CAND1: variants seen among roughly 807,000 people sequenced by gnomAD.
CAND1 encodes the protein cullin-associated NEDD8-dissociated protein 1.
CAND1 carries 7 observed loss-of-function variants against 108.5 expected under a neutral mutation model. The observed-to-expected ratio is 0.06, with a 90% CI of 0.04 to 0.12. The LOEUF (loss-of-function observed/expected upper bound fraction) is 0.12. CAND1 is among the 10% of genes least tolerant of loss of function. CAND1 has a pLI of 1.00. For missense variants in CAND1, 941 were observed against 1,448.7 expected, an observed-to-expected ratio of 0.65 and a Z score of 5.69; for synonymous variants, 534 against 512.0, an observed-to-expected ratio of 1.04 and a Z score of -0.58.
intron 2 of CAND1, among the ~76,000 whole-genome samples, chr12:67,289,493 A>T (rs2136002307): frequency 6.6e-6 from 1 of 152,144 alleles, no homozygotes; most frequent in Non-Finnish European, 1.5e-5. Context: ...GGCTCCAGTG[A>T]TCCTCACCTC....
chr12:67,299,200 G>T (rs1323004567), intron 7 of CAND1, 105 bp downstream of exon 7: 1 of 1,099,816 alleles, frequency 9.1e-7, no homozygotes, highest in East Asian at 2.7e-5. Flanking sequence ...AGTTATAATA[G>T]TGAAAAGGGA....
At position 67,316,136 on chromosome 12, in the gene CAND1, C is replaced by G. The variant is rs1183783601; in HGVS notation, c.*3306C>G. ...TTGAATCCTAATTTTCAAACCACTG[C>G]TACCCCAGATTCATACCTGTTTTTG... On this transcript the variant is annotated 3_prime_UTR_variant, in exon 15 of 15. Transcript: ENST00000545606. 1 of 152,182 alleles carries G rather than the reference C, an allele frequency of 6.6e-6. No homozygotes were observed. Among genetic ancestry groups the G allele is most frequent in the African/African-American group, 2.4e-5 (1 of 41,446 alleles). 9.4% of individuals were successfully genotyped at this position (152,182 alleles called of 1,614,324 possible). A position where few individuals can be genotyped will look rare whatever the true frequency, so the allele number is the denominator to read the frequency against.
chr12:67,294,832 A>G (rs1193371528), intron 3 of CAND1: 7 of 365,566 alleles, frequency 1.9e-5, no homozygotes, highest in Admixed American at 1.8e-4. Flanking sequence ...GAGTTGTTAA[A>G]TATTTGGTCT....
chr12:67,309,685 A>T (rs897286841), intron 11 of CAND1, among the ~76,000 whole-genome samples: 2 of 152,000 alleles, frequency 1.3e-5, no homozygotes, highest in African/African-American at 2.4e-5. Flanking sequence ...TGGATTATCA[A>T]TTGAAAATAT....
intron 1 of CAND1, among the ~76,000 whole-genome samples, chr12:67,276,032 C>T (rs2044566043): frequency 6.6e-6 from 1 of 152,172 alleles, no homozygotes; most frequent in East Asian, 1.9e-4. Flanking sequence ...TGATATCACC[C>T]TTCTCCCGTC....
At chr12:67,292,001 A>G (rs1243857395) in intron 2 of CAND1, among the ~76,000 whole-genome samples, 3 of 152,246 alleles carry the variant, frequency 2.0e-5, no homozygotes, top group Admixed American at 2.0e-4. Flanking sequence ...AGTTGGGACT[A>G]CGGGCACATA....
chr12:67,278,229 C>T (rs147826138), intron 1 of CAND1, among the ~76,000 whole-genome samples: 6 of 152,208 alleles, frequency 3.9e-5, no homozygotes, highest in African/African-American at 9.6e-5. Flanking sequence ...CTCCACTGCC[C>T]GGCTTCAAGC....
chr12:67,282,796 C>T (rs142328388), intron 2 of CAND1, among the ~76,000 whole-genome samples: 134 of 152,204 alleles, frequency 8.8e-4, no homozygotes, highest in African/African-American at 2.9e-3. Flanking sequence ...TCAGTTGATA[C>T]AATATACATA....
intron 6 of CAND1, among the ~76,000 whole-genome samples, chr12:67,298,745 T>G (rs1055950108): frequency 6.6e-5 from 10 of 152,166 alleles, no homozygotes; most frequent in African/African-American, 1.4e-4. Flanking sequence ...GGAGTTCATC[T>G]TAAAATTGAT....
chr12:67,277,380 G>T (rs758989118), intron 1 of CAND1, among the ~76,000 whole-genome samples: 3 of 152,018 alleles, frequency 2.0e-5, no homozygotes, highest in Non-Finnish European at 4.4e-5. Flanking sequence ...ATATATTGCT[G>T]ATTTATTAAC....
intron 2 of CAND1, among the ~76,000 whole-genome samples, chr12:67,286,562 A>AT (rs35747245): frequency 0.56 from 80,815 of 143,104 alleles, 23,371 homozygotes; most frequent in Non-Finnish European, 0.66. Flanking sequence ...TTTTTTGGCC[A>AT]TTTTTTTTTT....
intron 13 of CAND1, 70 bp from the exon 14 acceptor site, chr12:67,311,623 G>C (rs1282103244): frequency 4.2e-6 from 3 of 706,696 alleles, no homozygotes; most frequent in African/African-American, 1.0e-4. Context: ...TAAAGGATTT[G>C]TCAGAATTTA....
Position 67,305,754 on chromosome 12 carries a change from G to A in CAND1, c.2086G>A (p.Glu696Lys). The A allele has an allele frequency of 6.2e-7, 1 of 1,614,154 alleles. No individual in the cohort carries two copies. Among genetic ancestry groups the A allele is most frequent in the South Asian group, 1.1e-5 (1 of 91,084 alleles). The change falls in exon 10 of 15, where the codon GAG (glutamate) becomes AAG (lysine). Residue 696 changes from glutamate to lysine, a missense_variant. Coordinates refer to ENST00000545606, the MANE Select transcript of CAND1 (RefSeq NM_018448.5). This position sits in a 1 kb window ranked among gnomAD's most constrained non-coding sequence, Gnocchi z 4.4. ...TAAMIDAVLDELPPLISESDM... is the reference protein window; with the variant it reads ...TAAMIDAVLDKLPPLISESDM... Reference sequence around the variant, plus strand: ...TGCCATGATTGATGCAGTTCTAGATGAGCTCCCACCTCTTATCAGCGAAAG... The same window carrying A: ...TGCCATGATTGATGCAGTTCTAGATAAGCTCCCACCTCTTATCAGCGAAAG...
chr12:67,297,286 T>G (rs769543467), intron 4 of CAND1, 121 bp from the exon 5 acceptor site: 1 of 910,466 alleles, frequency 1.1e-6, no homozygotes, highest in East Asian at 2.5e-5. Context: ...TCACTATGAA[T>G]TAGTCTCAAC....
intron 2 of CAND1, among the ~76,000 whole-genome samples, chr12:67,286,200 C>A (rs1397821282): frequency 6.6e-6 from 1 of 151,940 alleles, no homozygotes; most frequent in Non-Finnish European, 1.5e-5. Context: ...TAAATAGAGA[C>A]GGGGTTTCAC....
intron 2 of CAND1, 120 bp downstream of exon 2, chr12:67,282,173 T>C: frequency 1.0e-6 from 1 of 1,003,872 alleles, no homozygotes; most frequent in Non-Finnish European, 1.5e-6. Context: ...TGTGTGTGTG[T>C]AGAATTTTTA....
In CAND1 at chr12:67,276,179, A is replaced by G. The variant is rs1188708898; in HGVS notation, c.69-5731A>G. ...CAGCTGATCATTGCCTCCCTCACTA[A>G]TTTCCATTGACTACAAGATAAACTC... is the stretch of plus-strand genomic sequence containing the variant. On this transcript the variant is annotated intron_variant, in intron 1 of 14. Coordinates refer to ENST00000545606, the MANE Select transcript of CAND1 (RefSeq NM_018448.5). Among the ~76,000 whole-genome samples the G allele has an allele frequency of 5.3e-5, 8 of 152,140 alleles. No homozygotes were observed. The East Asian group carries it at 1.5e-3, about 29-fold the overall frequency.
chr12:67,298,846 A>G, intron 6 of CAND1, 104 bp from the exon 7 acceptor site: 1 of 680,950 alleles, frequency 1.5e-6, no homozygotes, highest in Non-Finnish European at 2.7e-6. Flanking sequence ...ATAGTCTGGG[A>G]ACTACTGTCC....
intron 2 of CAND1, among the ~76,000 whole-genome samples, chr12:67,286,839 G>A (rs944085841): frequency 3.9e-5 from 6 of 152,042 alleles, no homozygotes; most frequent in Non-Finnish European, 5.9e-5. Flanking sequence ...AGGATGTGAG[G>A]TAGGAATTAA....
Sources: allele counts gnomAD v4.1 joint callset (sites outside exome capture counted in the v4.1 genomes callset), GRCh38; gene constraint gnomAD v4.1.1; non-coding constraint Gnocchi (gnomAD v3.1); transcripts MANE v1.5; gene names NCBI Gene and HGNC (gene_info 2026-07-23, HGNC 2026-07-21).